Variants in SLC25A20 observed in about 807,000 individuals in gnomAD.
The protein encoded by SLC25A20 is solute carrier family 25 member 20, also known as mitochondrial carnitine/acylcarnitine carrier protein.
A neutral mutation model predicts 39.7 loss-of-function variants in SLC25A20; 29 were observed. That is an observed-to-expected ratio of 0.73 (90% confidence interval 0.54 to 1.00). The LOEUF (loss-of-function observed/expected upper bound fraction) is 1.00. SLC25A20 is among the 50% of genes least tolerant of loss of function. The probability of loss-of-function intolerance (pLI) is 0.00; values close to 1 mark genes in which losing one functional copy is unlikely to be tolerated. For synonymous variants in SLC25A20, 103 were observed against 142.2 expected, an observed-to-expected ratio of 0.72 and a Z score of 1.96; for missense variants, 333 against 379.9, an observed-to-expected ratio of 0.88 and a Z score of 1.03.
chr3:48,858,525 T>C lies in SLC25A20; in HGVS notation c.825A>G (p.Arg275=). ...LYKGFNAVMI[R]AFPANAACFL... Reference sequence around the variant, plus strand: ...TACTCACCGCATTGGCTGGGAAGGCTCGGATCATCACTGCATTGAACCCTT... The same window carrying C: ...TACTCACCGCATTGGCTGGGAAGGCCCGGATCATCACTGCATTGAACCCTT... Residue 275 remains arginine (R), a synonymous_variant, in exon 8 of 9, where the codon CGA becomes CGG. Transcript: ENST00000319017. 1 of 1,614,146 alleles carries C rather than the reference T, an allele frequency of 6.2e-7. No homozygotes were observed. Among genetic ancestry groups the C allele is most frequent in the Non-Finnish European group, 8.5e-7 (1 of 1,180,024 alleles).
intron 2 of SLC25A20, among the ~76,000 whole-genome samples, chr3:48,889,397 A>T (rs1027085191): frequency 6.6e-6 from 1 of 151,618 alleles, no homozygotes; most frequent in Non-Finnish European, 1.5e-5. Flanking sequence ...CTCAAAATAT[A>T]TATATATAAT....
At chr3:48,881,422 G>A (rs1442839612) in intron 3 of SLC25A20, among the ~76,000 whole-genome samples, 1 of 152,108 alleles carries the variant, frequency 6.6e-6, no homozygotes, top group East Asian at 1.9e-4. Flanking sequence ...CTCTGTGTGT[G>A]CACAGGGTGT....
Position 48,859,637 on chromosome 3 carries a change from G to A in SLC25A20, c.536-10C>T, listed in dbSNP as rs368757920. ...CCACTAGCTGGGACATCTGTTAGTGGCAAGAAAAAGGTGAATTAAAGTACA... is the reference window on the plus strand; with the variant it reads ...CCACTAGCTGGGACATCTGTTAGTGACAAGAAAAAGGTGAATTAAAGTACA... On this transcript the variant is annotated splice_polypyrimidine_tract_variant and intron_variant, in intron 5 of 8. Transcript: ENST00000319017. 30 of 1,601,528 alleles carry A rather than the reference G, an allele frequency of 1.9e-5. No individual in the cohort carries two copies. Among genetic ancestry groups the A allele is most frequent in the Non-Finnish European group, 2.5e-5 (29 of 1,168,690 alleles).
intron 3 of SLC25A20, among the ~76,000 whole-genome samples, chr3:48,881,861 C>A (rs989709261): frequency 2.0e-5 from 3 of 152,172 alleles, no homozygotes; most frequent in African/African-American, 7.2e-5. Flanking sequence ...CCAAAACAAC[C>A]CCATCCACAT....
chr3:48,874,645 T>C (rs1179702642), intron 4 of SLC25A20, among the ~76,000 whole-genome samples: 2 of 152,132 alleles, frequency 1.3e-5, no homozygotes, highest in Admixed American at 1.3e-4. Flanking sequence ...ACAGATGCTG[T>C]TAGGTGGAAG....
rs562254276 is a variant in SLC25A20, at chr3:48,870,559, T to C, written c.418-7900A>G. On this transcript the variant is annotated intron_variant, in intron 4 of 8. Transcript: ENST00000319017. ...GAAAGAAATCAAATTTTTCTTTTTC[T>C]TTTTTTTTTTTTTTTTTTGAGACAG... Among the ~76,000 whole-genome samples, 4 of 138,768 alleles carry C rather than the reference T, an allele frequency of 2.9e-5. No individual in the cohort carries two copies. In the South Asian group the frequency reaches 9.0e-4, roughly 31 times the overall value. 91.0% of individuals were successfully genotyped at this position (138,768 alleles called of 152,430 possible).
chr3:48,860,499 G>A (rs2083617910), intron 5 of SLC25A20, among the ~76,000 whole-genome samples: 1 of 151,878 alleles, frequency 6.6e-6, no homozygotes, highest in African/African-American at 2.4e-5. Context: ...CAGCTACTCA[G>A]GAGACTGAGG....
At chr3:48,873,968 C>CAAAA (rs11316117) in intron 4 of SLC25A20, among the ~76,000 whole-genome samples, 17 of 41,046 alleles carry the variant, frequency 4.1e-4, no homozygotes, top group East Asian at 8.3e-4. Context: ...GACTCCATCT[C>CAAAA]AAAAAAAAAA....
chr3:48,875,677 T>C (rs943841733), intron 4 of SLC25A20, among the ~76,000 whole-genome samples: 1 of 152,138 alleles, frequency 6.6e-6, no homozygotes, highest in Non-Finnish European at 1.5e-5. Context: ...CACAAACTGC[T>C]GGGATTACAG....
intron 1 of SLC25A20, among the ~76,000 whole-genome samples, chr3:48,897,446 G>A (rs2083918743): frequency 6.7e-6 from 1 of 149,940 alleles, no homozygotes; most frequent in Non-Finnish European, 1.5e-5. Context: ...ACCAAGAGCA[G>A]GAAGAAAGGC....
intron 5 of SLC25A20, among the ~76,000 whole-genome samples, 186 bp from the exon 6 acceptor site, chr3:48,859,813 T>G (rs906462690): frequency 2.0e-5 from 3 of 152,144 alleles, no homozygotes; most frequent in Non-Finnish European, 4.4e-5. Flanking sequence ...TTTGGTTCAA[T>G]TTATTTGCTT....
intron 6 of SLC25A20, 75 bp from the exon 7 acceptor site, chr3:48,859,276 G>T: frequency 7.3e-7 from 1 of 1,372,504 alleles, no homozygotes; most frequent in Non-Finnish European, 1.0e-6. Context: ...GCCTGTGGCA[G>T]ACAGGGCAGT....
chr3:48,884,052 AG>A lies in SLC25A20; in HGVS notation c.270del (p.Phe91LeufsTer38), dbSNP rs1575989549. ...AGTTTCTTCCCCAAACCAAACCCAA[AG>A]AAGCACACGGCAAACATGGGAGTGA... ...IGVTPMFAVC[F>X]FGFGLGKKLQ... is the part of the protein sequence containing the mutation. On this transcript the variant is annotated frameshift_variant, in exon 3 of 9. Coordinates refer to ENST00000319017, the MANE Select transcript of SLC25A20 (RefSeq NM_000387.6). LOFTEE classifies it high-confidence loss of function. 1.2e-6 allele frequency: 2 copies of A among 1,614,042 alleles called. No homozygotes were observed. The highest frequency in any genetic ancestry group is 1.7e-6 in the Non-Finnish European group (2 of 1,179,934).
At chr3:48,879,694 T>C (rs2083785214) in intron 3 of SLC25A20, among the ~76,000 whole-genome samples, 1 of 152,140 alleles carries the variant, frequency 6.6e-6, no homozygotes, top group Non-Finnish European at 1.5e-5. Context: ...GCCCACCCCA[T>C]GTGGTACACG....
chr3:48,897,286 T>C (rs766585362), intron 1 of SLC25A20, among the ~76,000 whole-genome samples: 5 of 149,554 alleles, frequency 3.3e-5, no homozygotes, highest in Non-Finnish European at 7.4e-5. Flanking sequence ...CAGTCCTTCT[T>C]GGGAGTGACA....
At chr3:48,890,104 G>T (rs190245352) in intron 2 of SLC25A20, among the ~76,000 whole-genome samples, 25 of 152,322 alleles carry the variant, frequency 1.6e-4, no homozygotes, top group African/African-American at 5.5e-4. Flanking sequence ...ATATTATCCA[G>T]GCCTGCCCAG....
chr3:48,872,760 G>A (rs2083726102), intron 4 of SLC25A20, among the ~76,000 whole-genome samples: 1 of 152,024 alleles, frequency 6.6e-6, no homozygotes, highest in African/African-American at 2.4e-5. Context: ...CTACTCAGGA[G>A]GCTGAGGCAG....
intron 2 of SLC25A20, among the ~76,000 whole-genome samples, chr3:48,889,632 A>G (rs1390676096): frequency 6.6e-6 from 1 of 151,948 alleles, no homozygotes; most frequent in Admixed American, 6.6e-5. Context: ...CCCAGGCTGG[A>G]GTGCAATGGT....
chr3:48,860,516 A>C (rs1044743276), intron 5 of SLC25A20, among the ~76,000 whole-genome samples: 2 of 151,886 alleles, frequency 1.3e-5, no homozygotes, highest in African/African-American at 4.8e-5. Context: ...GAGGCAGGAG[A>C]ATCGCTTGAA....
Sources: gnomAD v4.1 joint callset for allele counts (sites outside exome capture counted in the v4.1 genomes callset) on GRCh38, gnomAD v4.1.1 for gene constraint, MANE v1.5 for transcripts, NCBI Gene and HGNC (gene_info 2026-07-23, HGNC 2026-07-21) for gene names.